Variants in MITD1 observed in about 807,000 individuals in gnomAD.
The protein encoded by MITD1 is MIT domain-containing protein 1.
A neutral mutation model predicts 34.9 loss-of-function variants in MITD1; 24 were observed. That is an observed-to-expected ratio of 0.69 (90% CI 0.50 to 0.97). MITD1 has a LOEUF of 0.97. MITD1 is among the 50% of genes least tolerant of loss of function. MITD1 has a pLI of 0.00. For synonymous variants in MITD1, 102 were observed against 101.4 expected (o/e 1.01, Z -0.04); for missense variants, 266 against 294.6 (o/e 0.90, Z 0.71).
exon 8 of MITD1, chr2:99,162,188 T>C: frequency 6.2e-7 from 1 of 1,614,080 alleles, no homozygotes; most frequent in Non-Finnish European, 8.5e-7. Context: ...TTGGTAGGCA[T>C]CAAAATCCTT....
chr2:99,168,219 G>A (rs1403254865), downstream of MITD1, among the ~76,000 whole-genome samples: 4 of 152,114 alleles, frequency 2.6e-5, no homozygotes, highest in East Asian at 1.9e-4. Flanking sequence ...TCCGCTCACC[G>A]CAGCCTCCAC....
intron 1 of MITD1, among the ~76,000 whole-genome samples, chr2:99,176,195 G>A (rs557902511): frequency 3.3e-5 from 5 of 152,050 alleles, no homozygotes; most frequent in African/African-American, 4.8e-5. Context: ...CAGGCAATCC[G>A]CCTGCCTTGG....
chr2:99,179,108 G>A (rs1212292312), intron 1 of MITD1, among the ~76,000 whole-genome samples: 1 of 152,052 alleles, frequency 6.6e-6, no homozygotes, highest in Non-Finnish European at 1.5e-5. Flanking sequence ...CTGTATTAGC[G>A]CTATTTGCAT....
At chr2:99,170,780 T>C (rs2093851868) in intron 4 of MITD1, 128 bp from the exon 5 acceptor site, 1 of 483,284 alleles carries the variant, frequency 2.1e-6, no homozygotes, top group Non-Finnish European at 3.8e-6. Flanking sequence ...CAATGTCTAT[T>C]ATCTCAAAAA....
chr2:99,177,248 A>G (rs776810909), intron 1 of MITD1, among the ~76,000 whole-genome samples: 9 of 152,046 alleles, frequency 5.9e-5, no homozygotes, highest in East Asian at 1.9e-4. Context: ...CCATCCTTCA[A>G]TCATTACGCT....
chr2:99,169,669 G>T, intron 5 of MITD1, 59 bp from the exon 6 acceptor site: 2 of 1,407,376 alleles, frequency 1.4e-6, no homozygotes, highest in Non-Finnish European at 2.0e-6. Flanking sequence ...TATTAATAAA[G>T]CTGTAGTGTA....
chr2:99,171,746 ATTTT>A, intron 2 of MITD1, 100 bp from the exon 3 acceptor site: 1 of 1,172,636 alleles, frequency 8.5e-7, no homozygotes, highest in South Asian at 1.6e-5. Context: ...ATACATATTA[ATTTT>A]TTTAACTTAT....
rs1346193560 is a variant in MITD1 at position 99,170,588 on chromosome 2, C to G, written c.542G>C (p.Gly181Ala). 1 of 1,608,968 alleles carries G rather than the reference C, an allele frequency of 6.2e-7. No individual in the cohort carries two copies. The highest frequency in any genetic ancestry group is 1.7e-5 in the Admixed American group (1 of 59,974). Residue 181 changes from glycine to alanine, a missense_variant, in exon 5 of 7, where the codon GGA becomes GCA. Coordinates refer to ENST00000289359, the MANE Select transcript of MITD1 (RefSeq NM_138798.3). ...AGAGTATTGAACTTCCAACAGCACT[C>G]CGTGACTCCTGAGTGACTCTTCTAT... ...QEIEESLRSH[G>A]VLLEVQYSSS...
At chr2:99,165,047 CACACACACACACACAT>C (rs963039676), downstream of MITD1, among the ~76,000 whole-genome samples, 4 of 119,334 alleles carry the variant, frequency 3.4e-5, no homozygotes, top group Admixed American at 9.7e-5. Context: ...CACACACACA[CACACACACACACACAT>C]ATATATATAG....
chr2:99,180,959 T>G lies in MITD1; in HGVS notation c.23A>C (p.Gln8Pro), dbSNP rs34663296. MAKSGLR[Q>P]DPQSTAAATV... ...GGCTGCAGCTGTGCTCTGCGGGTCC[T>G]GCCTCAGCCCGGACTTCGCCATAAT... Residue 8 changes from glutamine (Q) to proline (P), a missense_variant, in exon 1 of 7, where the codon CAG becomes CCG. Transcript: ENST00000289359. 19 of 1,613,926 alleles carry G rather than the reference T, an allele frequency of 1.2e-5. No individual in the cohort carries two copies. In the East Asian group the frequency reaches 4.2e-4, roughly 36 times the overall value.
exon 8 of MITD1, chr2:99,162,013 T>C: frequency 6.2e-7 from 1 of 1,613,848 alleles, no homozygotes; most frequent in Non-Finnish European, 8.5e-7. Flanking sequence ...AACTGCCAGG[T>C]CCCAGCAGCT....
Position 99,162,426 on chromosome 2 carries a change from G to A in MITD1, c.*4-208C>T. The A allele has an allele frequency of 6.2e-7, 1 of 1,613,970 alleles. No homozygotes were observed. The highest frequency in any genetic ancestry group is 8.5e-7 in the Non-Finnish European group (1 of 1,180,036). ...TACCAAAAGATTTGACCTTTTACTT[G>A]ATGGACAGTTTAAAATCTCAGGAAC... On this transcript the variant is annotated intron_variant, in intron 7 of 7. Transcript: ENST00000422537.
intron 6 of MITD1, 26 bp downstream of exon 6, chr2:99,169,524 C>T: frequency 1.2e-6 from 2 of 1,601,958 alleles, no homozygotes; most frequent in South Asian, 1.1e-5. Context: ...CAGTGCTACA[C>T]ATTTACTCAT....
intron 2 of MITD1, 194 bp from the exon 3 acceptor site, chr2:99,171,840 C>A (rs2093860124): frequency 3.6e-6 from 2 of 554,066 alleles, no homozygotes; most frequent in Non-Finnish European, 3.1e-6. Flanking sequence ...TTAAGGCAAA[C>A]CACTCCATTA....
At position 99,173,576 on chromosome 2, in the gene MITD1, G is replaced by A. The variant is rs1274570880; in HGVS notation, c.253+339C>T. 8 of 466,130 alleles carry A rather than the reference G, an allele frequency of 1.7e-5. No homozygotes were observed. In the East Asian group the frequency reaches 4.9e-4, roughly 29 times the overall value. The allele number at this position is 466,130 out of a possible 1,614,324, so 28.9% of individuals were successfully genotyped here. On this transcript the variant is annotated intron_variant, in intron 2 of 6. Transcript: ENST00000289359. The stretch of plus-strand genomic sequence containing the variant: ...CAATTTACATTCAGTATTCCCTGTA[G>A]TATTTCTTAACATAGGGTCCACACA...
At chr2:99,162,785 T>C (rs779985498) in intron 7 of MITD1, 1 of 1,614,010 alleles carries the variant, frequency 6.2e-7, no homozygotes, top group East Asian at 2.2e-5. Flanking sequence ...ATGGCAAAAC[T>C]CCAAAGTTTA....
At chr2:99,164,529 C>G (rs1167925856), downstream of MITD1, among the ~76,000 whole-genome samples, 3 of 114,206 alleles carry the variant, frequency 2.6e-5, no homozygotes, top group Non-Finnish European at 4.0e-5. Flanking sequence ...CTCAGTAGTT[C>G]CAGGCCCCAT....
chr2:99,180,540 C>A (rs2093912072), intron 1 of MITD1, among the ~76,000 whole-genome samples: 1 of 152,152 alleles, frequency 6.6e-6, no homozygotes, highest in Non-Finnish European at 1.5e-5. Flanking sequence ...TTTTAAAGTT[C>A]GTACAAACCC....
intron 4 of MITD1, 31 bp downstream of exon 4, chr2:99,171,312 T>C (rs563126695): frequency 1.3e-6 from 2 of 1,499,514 alleles, no homozygotes; most frequent in Non-Finnish European, 1.9e-6. Flanking sequence ...ATAAAGTTAA[T>C]AAGAAAGAGT....
Sources: allele counts gnomAD v4.1 joint callset (sites outside exome capture counted in the v4.1 genomes callset), GRCh38; gene constraint gnomAD v4.1.1; transcripts MANE v1.5; gene names NCBI Gene and HGNC (gene_info 2026-07-23, HGNC 2026-07-21).